The following LCT variants were observed in gnomAD, a reference collection of about 807,000 sequenced individuals.
LCT encodes lactase, also known as lactase/phlorizin hydrolase.
Under a neutral mutation model 173.0 loss-of-function variants are expected in LCT, and 90 were observed. The observed-to-expected ratio is 0.52, with a 90% CI of 0.44 to 0.62. LCT has a LOEUF of 0.62. Among genes scored for constraint, LCT ranks in the 20% least tolerant of loss-of-function variants. The probability of loss-of-function intolerance (pLI) is 0.00; values close to 1 mark genes in which losing one functional copy is unlikely to be tolerated. For synonymous variants in LCT, 853 were observed against 957.6 expected (o/e 0.89, Z 2.02); for missense variants, 1,864 against 2,431.4 (o/e 0.77, Z 4.91).
chr2:135,834,810 A>AAAAAAAAAAAAAAAAAAAAAAT (rs1558748000), intron 1 of LCT, among the ~76,000 whole-genome samples: 1 of 144,640 alleles, frequency 6.9e-6, no homozygotes, highest in Non-Finnish European at 1.5e-5. Flanking sequence ...AAAAAAAAAA[A>AAAAAAAAAAAAAAAAAAAAAAT]GAAGAAGAAA....
At chr2:135,792,423 T>C (rs535028502) in intron 14 of LCT, among the ~76,000 whole-genome samples, 100 of 152,246 alleles carry the variant, frequency 6.6e-4, no homozygotes, top group African/African-American at 2.4e-3. Flanking sequence ...GAAGTGCAGA[T>C]AAAAGCACAG....
chr2:135,810,137 C>A (rs1055668408), intron 7 of LCT, 144 bp from the exon 8 acceptor site: 1 of 641,124 alleles, frequency 1.6e-6, no homozygotes, highest in Non-Finnish European at 2.8e-6. Flanking sequence ...CAGGAGTGAG[C>A]TAGTGCACCA....
At chr2:135,811,891 G>T (rs2077737298) in intron 7 of LCT, among the ~76,000 whole-genome samples, 1 of 151,438 alleles carries the variant, frequency 6.6e-6, no homozygotes, top group African/African-American at 2.4e-5. Flanking sequence ...AGACCAGCCT[G>T]GGCAATGTGA....
At chr2:135,793,401 C>A (rs898368141) in intron 14 of LCT, among the ~76,000 whole-genome samples, 1 of 152,182 alleles carries the variant, frequency 6.6e-6, no homozygotes, top group African/African-American at 2.4e-5. Context: ...TCTCAGGAAG[C>A]CCCATCCTTA....
Position 135,823,907 on chromosome 2 carries a change from A to G in LCT, c.901T>C (p.Phe301Leu). The change falls in exon 4 of 17, where the codon TTT becomes CTT. Residue 301 changes from phenylalanine to leucine, a missense_variant. Physicochemically the swap from Phe to Leu is conservative, Grantham distance 22. Coordinates refer to ENST00000264162, the MANE Select transcript of LCT (RefSeq NM_002299.4). The stretch of plus-strand genomic sequence containing the variant: ...TCAGCAATGGCCCACTCACCTTCAA[A>G]AAGGCTGAAGAGCAGACTGGCTGGG... ...KNPASLLFSL[F>L]EAINKDQVLT... 1 of 1,609,142 alleles carries G rather than the reference A, an allele frequency of 6.2e-7. No individual in the cohort carries two copies. The highest frequency in any genetic ancestry group is 8.5e-7 in the Non-Finnish European group (1 of 1,175,536).
rs1408139545 is a variant in LCT at position 135,788,226 on chromosome 2, C to T, written c.*98G>A. ...GTGCAGCAGGACTTTATGGAGAAGT[C>T]CAGTATCAGCAGAGTCTAAGACCCT... On this transcript the variant is annotated 3_prime_UTR_variant, in exon 17 of 17. Transcript: ENST00000264162. 2.3e-6 allele frequency: 2 copies of T among 862,156 alleles called. No individual in the cohort carries two copies. The highest frequency in any genetic ancestry group is 2.0e-6 in the Non-Finnish European group (1 of 509,774). 53.4% of individuals were successfully genotyped at this position (862,156 alleles called of 1,614,324 possible). A position where few individuals can be genotyped will look rare whatever the true frequency, so the allele number is the denominator to read the frequency against.
chr2:135,789,845 C>CA (rs778487721), intron 15 of LCT, 47 bp from the exon 16 acceptor site: 1 of 1,513,562 alleles, frequency 6.6e-7, no homozygotes. Context: ...TCTCATAAGG[C>CA]AGCTTCCTGC....
chr2:135,802,328 A>G (rs928185657), intron 11 of LCT, among the ~76,000 whole-genome samples: 1 of 152,196 alleles, frequency 6.6e-6, no homozygotes, highest in Non-Finnish European at 1.5e-5. Context: ...TTTCTTATTC[A>G]AAACCCTAAG....
At position 135,797,938 on chromosome 2, in the gene LCT, G is replaced by T. The variant is rs1024433631; in HGVS notation, c.4976+91C>A. ...ATGATCACATGTAACTTCCCAGCAA[G>T]CAAAGAAGCTCAGTCATGGTAACTT... On this transcript the variant is annotated intron_variant, in intron 13 of 16. Transcript: ENST00000264162. 55 of 792,738 alleles carry T rather than the reference G, an allele frequency of 6.9e-5. 1 individual carries two copies. In the South Asian group the frequency reaches 7.1e-4, roughly 10 times the overall value. 49.1% of individuals were successfully genotyped at this position (792,738 alleles called of 1,614,324 possible). A position where few individuals can be genotyped will look rare whatever the true frequency, so the allele number is the denominator to read the frequency against.
At position 135,809,864 on chromosome 2, in the gene LCT, G is replaced by C; in HGVS notation, c.2483C>G (p.Ser828Ter). The C allele has an allele frequency of 2.5e-6, 4 of 1,614,170 alleles. No individual in the cohort carries two copies. Among genetic ancestry groups the C allele is most frequent in the Non-Finnish European group, 2.5e-6 (3 of 1,180,020 alleles). The change falls in exon 8 of 17, where the codon TCA becomes TGA. Residue 828 changes from serine to a stop codon, truncating the protein, a stop_gained. Coordinates refer to ENST00000264162, the MANE Select transcript of LCT (RefSeq NM_002299.4). LOFTEE classifies it high-confidence loss of function. This position sits in a 1 kb window ranked among gnomAD's most constrained non-coding sequence, Gnocchi z 5.5. ...HHVNFSDSSK[S>*]RTPRKSAYFF... ...GTAGGCAGATTTCCTGGGAGTCCTT[G>C]ACTTGCTGCTGTCGCTGAAGTTGAC...
intron 13 of LCT, 152 bp downstream of exon 13, chr2:135,797,877 A>G: frequency 1.5e-6 from 1 of 678,716 alleles, no homozygotes; most frequent in South Asian, 1.6e-5. Context: ...TGTCAAGCAT[A>G]TAGCAGTGCC....
Position 135,797,326 on chromosome 2 carries a change from C to T in LCT, c.4976+703G>A, listed in dbSNP as rs559074652. 4.3e-4 allele frequency among the ~76,000 whole-genome samples: 66 copies of T among 152,258 alleles called. 2 individuals carry two copies. In the South Asian group the frequency reaches 8.9e-3, roughly 21 times the overall value. On this transcript the variant is annotated intron_variant, in intron 13 of 16. Transcript: ENST00000264162. ...GGACTCAAAGACTATGTTGGGAATT[C>T]ACACTTGATTCCCGCCAGCCTTGGA...
chr2:135,814,561 G>A (rs1473555492), intron 6 of LCT, among the ~76,000 whole-genome samples: 2 of 150,662 alleles, frequency 1.3e-5, no homozygotes, highest in Non-Finnish European at 2.9e-5. Context: ...TCTGTCACCA[G>A]GCTGGAGTGC....
At position 135,808,585 on chromosome 2, in the gene LCT, T is replaced by C. The variant is rs768562583; in HGVS notation, c.3762A>G (p.Arg1254=). The change falls in exon 8 of 17, where the codon CGA becomes CGG. Residue 1254 remains arginine, a synonymous_variant. Coordinates refer to ENST00000264162, the MANE Select transcript of LCT (RefSeq NM_002299.4). ...CTTCCTTGATCCAGTTCAGCAGCCT[T>C]CGCGTCCCCCAGGGCGCAGCTCTGT... ...AMNRAAPWGT[R]RLLNWIKEEY... The C allele has an allele frequency of 6.2e-7, 1 of 1,614,228 alleles. No homozygotes were observed.
chr2:135,794,700 G>A lies in LCT; in HGVS notation c.5052C>T (p.Thr1684=), dbSNP rs1471526322. The A allele has an allele frequency of 8.1e-6, 13 of 1,614,044 alleles. No individual in the cohort carries two copies. The highest frequency in any genetic ancestry group is 1.1e-5 in the Non-Finnish European group (13 of 1,179,896). ...TYDFFGFNHY[T]TVLAYNLNYA... Reference sequence around the variant, plus strand: ...AGTTGAGGTTGTAGGCGAGGACAGTGGTGTAGTGATTGAACCCAAAAAAGT... The same window carrying A: ...AGTTGAGGTTGTAGGCGAGGACAGTAGTGTAGTGATTGAACCCAAAAAAGT... Residue 1684 remains threonine, a synonymous_variant, in exon 14 of 17, where the codon ACC becomes ACT. Transcript: ENST00000264162.
intron 13 of LCT, among the ~76,000 whole-genome samples, chr2:135,795,750 T>G (rs1299291755): frequency 1.3e-5 from 2 of 151,806 alleles, no homozygotes; most frequent in Non-Finnish European, 2.9e-5. Flanking sequence ...CTTCCTTTTT[T>G]TTTTCCCAGA....
At chr2:135,828,216 G>A (rs573567048) in intron 3 of LCT, among the ~76,000 whole-genome samples, 21 of 152,210 alleles carry the variant, frequency 1.4e-4, no homozygotes, top group African/African-American at 4.8e-4. Context: ...GTAGAGATGG[G>A]TTTTTGCCAT....
At chr2:135,834,183 G>A (rs1315586028) in intron 1 of LCT, among the ~76,000 whole-genome samples, 1 of 151,936 alleles carries the variant, frequency 6.6e-6, no homozygotes, top group African/African-American at 2.4e-5. Context: ...TGATGTCCTA[G>A]TTTATTTTTC....
intron 1 of LCT, among the ~76,000 whole-genome samples, chr2:135,833,704 C>T (rs112036570): frequency 2.0e-5 from 3 of 151,756 alleles, no homozygotes; most frequent in African/African-American, 4.8e-5. Flanking sequence ...CCTTGGCCTC[C>T]CAAAGTGTTG....
Sources: allele counts gnomAD v4.1 joint callset (sites outside exome capture counted in the v4.1 genomes callset), GRCh38; gene constraint gnomAD v4.1.1; non-coding constraint Gnocchi (gnomAD v3.1); transcripts MANE v1.5; gene names NCBI Gene and HGNC (gene_info 2026-07-23, HGNC 2026-07-21).